THUMPD2: variants seen among roughly 807,000 people sequenced by gnomAD.
THUMPD2 encodes THUMP domain 2 tRNA and snRNA guanosine methyltransferase.
THUMPD2 carries 56 observed loss-of-function variants against 49.4 expected under a neutral mutation model. The observed-to-expected ratio is 1.13, with a 90% CI of 0.91 to 1.41. The LOEUF (loss-of-function observed/expected upper bound fraction) is 1.41, where lower values mean the gene tolerates loss of function less well. Ranked by LOEUF, THUMPD2 falls within the 40% of genes most tolerant of loss-of-function variation. The probability of loss-of-function intolerance (pLI) is 0.00; values close to 1 mark genes in which losing one functional copy is unlikely to be tolerated. For missense variants in THUMPD2, 709 were observed against 594.5 expected (o/e 1.19, Z -2.00); for synonymous variants, 237 against 205.2 (o/e 1.15, Z -1.32).
intron 5 of THUMPD2, among the ~76,000 whole-genome samples, chr2:39,765,342 T>C (rs2148313084): frequency 6.6e-6 from 1 of 152,190 alleles, no homozygotes; most frequent in African/African-American, 2.4e-5. Flanking sequence ...GTATTTTTGG[T>C]AGAGACGGGA....
intron 8 of THUMPD2, among the ~76,000 whole-genome samples, chr2:39,753,967 CACAA>C (rs1558506529): frequency 1.3e-5 from 2 of 152,136 alleles, no homozygotes; most frequent in Admixed American, 6.5e-5. Context: ...AGCACACACA[CACAA>C]ACAGTGGAGC....
At chr2:39,763,772 C>G (rs1677141050) in intron 5 of THUMPD2, among the ~76,000 whole-genome samples, 1 of 152,180 alleles carries the variant, frequency 6.6e-6, no homozygotes, top group African/African-American at 2.4e-5. Context: ...AACATCCAAG[C>G]TGTTTAACAT....
chr2:39,759,586 C>G (rs1017656619), intron 6 of THUMPD2, among the ~76,000 whole-genome samples: 1 of 151,982 alleles, frequency 6.6e-6, no homozygotes, highest in Admixed American at 6.6e-5. Context: ...ATAGAAAAGA[C>G]ATATACATAA....
chr2:39,772,110 G>A (rs1353579739), intron 1 of THUMPD2, among the ~76,000 whole-genome samples: 3 of 152,150 alleles, frequency 2.0e-5, no homozygotes, highest in African/African-American at 7.2e-5. Flanking sequence ...GACTATGAAA[G>A]CCGACATTAC....
chr2:39,743,036 C>T (rs1338128393), intron 9 of THUMPD2, among the ~76,000 whole-genome samples: 1 of 152,164 alleles, frequency 6.6e-6, no homozygotes, highest in East Asian at 1.9e-4. Flanking sequence ...CCTAAAGAAG[C>T]ATGGGACACT....
At chr2:39,763,477 T>A (rs1055019381) in intron 5 of THUMPD2, among the ~76,000 whole-genome samples, 2 of 152,186 alleles carry the variant, frequency 1.3e-5, no homozygotes, top group Admixed American at 6.5e-5. Context: ...AATATCTACT[T>A]GGACATTTTT....
At chr2:39,773,610 TATATATATATTTATATTTTAAAA>T (rs1449440003) in intron 1 of THUMPD2, among the ~76,000 whole-genome samples, 2 of 142,436 alleles carry the variant, frequency 1.4e-5, no homozygotes, top group Non-Finnish European at 3.0e-5. Flanking sequence ...ATTTTAAAAA[TATATATATATTTATATTTTAAAA>T]ATATATATAT....
At chr2:39,767,779 A>C (rs1333720764) in intron 4 of THUMPD2, among the ~76,000 whole-genome samples, 1 of 152,092 alleles carries the variant, frequency 6.6e-6, no homozygotes, top group Non-Finnish European at 1.5e-5. Flanking sequence ...ATAAAACAAC[A>C]CACAATGTTC....
chr2:39,770,483 A>G (rs985950582), intron 2 of THUMPD2, among the ~76,000 whole-genome samples: 1 of 152,126 alleles, frequency 6.6e-6, no homozygotes, highest in African/African-American at 2.4e-5. Context: ...ATAAAAATTA[A>G]GTTTTTATAA....
At chr2:39,745,836 C>G (rs868773424) in intron 8 of THUMPD2, among the ~76,000 whole-genome samples, 12 of 152,240 alleles carry the variant, frequency 7.9e-5, no homozygotes, top group Non-Finnish European at 1.6e-4. Context: ...AAAAAAATCT[C>G]CAGAACTAAG....
rs1038530242 is a variant in THUMPD2, at chr2:39,745,741, A to C, written c.1079-1263T>G. Reference sequence around the variant, plus strand: ...TTTTTATTGGGAACTTTGCTGCTCTATATTATATAATATGCTAAAGTGCTT... The same window carrying C: ...TTTTTATTGGGAACTTTGCTGCTCTCTATTATATAATATGCTAAAGTGCTT... On this transcript the variant is annotated intron_variant, in intron 8 of 9. Transcript: ENST00000505747. Among the ~76,000 whole-genome samples the C allele has an allele frequency of 3.9e-5, 6 of 151,932 alleles. No individual in the cohort carries two copies. In the South Asian group the frequency reaches 1.2e-3, roughly 31 times the overall value.
chr2:39,750,219 T>C (rs2148227012), intron 8 of THUMPD2, among the ~76,000 whole-genome samples: 1 of 152,338 alleles, frequency 6.6e-6, no homozygotes, highest in Non-Finnish European at 1.5e-5. Context: ...CCACCAACGG[T>C]GTAAAGGCGT....
Position 39,770,084 on chromosome 2 carries a change from C to T in THUMPD2, c.298G>A (p.Glu100Lys), listed in dbSNP as rs759742383. ...GCATTCAACCAACTTCCTGGATCTT[C>T]ATTTATAAGTCTTTGCATTTCATTA... The part of the protein sequence containing the change: ...IFNEMQRLIN[E>K]DPGSWLNAIS... The change falls in exon 3 of 10, where the codon GAA becomes AAA. Residue 100 changes from glutamate to lysine, a missense_variant. By Grantham distance (56) the Glu-to-Lys change is moderately conservative (BLOSUM62 1). Transcript: ENST00000505747. The T allele has an allele frequency of 3.2e-6, 5 of 1,539,044 alleles. No homozygotes were observed. In the South Asian group the frequency reaches 3.9e-5, roughly 12 times the overall value.
intron 6 of THUMPD2, among the ~76,000 whole-genome samples, chr2:39,759,250 C>T (rs1162455021): frequency 1.3e-5 from 2 of 151,230 alleles, no homozygotes; most frequent in South Asian, 2.1e-4. Flanking sequence ...GTGCTTAGGC[C>T]GGAGAAGTAA....
Position 39,779,228 on chromosome 2 carries a change from C to T in THUMPD2, c.12G>A (p.Ala4=), listed in dbSNP as rs371296499. MSE[A]RGEPGSGPEA... is the part of the protein sequence containing the mutation. ...CAGGCCCGGACCCTGGCTCTCCACG[C>T]GCCTCCGACATGGCGGCTCAGGCGC... Residue 4 remains alanine (A), a synonymous_variant, in exon 1 of 10, where the codon GCG becomes GCA. Coordinates refer to ENST00000505747, the MANE Select transcript of THUMPD2 (RefSeq NM_025264.5). The T allele has an allele frequency of 7.4e-6, 11 of 1,496,292 alleles. No homozygotes were observed. The highest frequency in any genetic ancestry group is 2.0e-4 in the Middle Eastern group (1 of 5,014). 92.7% of individuals were successfully genotyped at this position (1,496,292 alleles called of 1,614,324 possible). A position where few individuals can be genotyped will look rare whatever the true frequency, so the allele number is the denominator to read the frequency against.
At chr2:39,742,832 C>G (rs912491685) in intron 9 of THUMPD2, among the ~76,000 whole-genome samples, 1 of 152,114 alleles carries the variant, frequency 6.6e-6, no homozygotes, top group Admixed American at 6.5e-5. Flanking sequence ...TTTTTAAAAG[C>G]TCCTGAAATG....
intron 1 of THUMPD2, among the ~76,000 whole-genome samples, chr2:39,777,907 T>G (rs1416959007): frequency 6.6e-6 from 1 of 152,162 alleles, no homozygotes; most frequent in Non-Finnish European, 1.5e-5. Context: ...CCAAGCTCTC[T>G]CTCTCTTTCA....
intron 8 of THUMPD2, among the ~76,000 whole-genome samples, chr2:39,751,581 T>C (rs1439779083): frequency 1.3e-5 from 2 of 152,160 alleles, no homozygotes; most frequent in East Asian, 1.9e-4. Context: ...TAATGACTAA[T>C]TGCTATTTCC....
At chr2:39,760,365 A>G (rs1361093112) in intron 6 of THUMPD2, among the ~76,000 whole-genome samples, 1 of 152,128 alleles carries the variant, frequency 6.6e-6, no homozygotes, top group East Asian at 1.9e-4. Context: ...AGAGTCATAT[A>G]TATTTAGTTA....
Sources: allele counts gnomAD v4.1 joint callset (sites outside exome capture counted in the v4.1 genomes callset), GRCh38; gene constraint gnomAD v4.1.1; transcripts MANE v1.5; gene names NCBI Gene and HGNC (gene_info 2026-07-23, HGNC 2026-07-21).